UNC13C: variants seen among roughly 807,000 people sequenced by gnomAD.
The protein encoded by UNC13C is unc-13 homolog C, also known as protein unc-13 homolog C.
Under a neutral mutation model 245.4 loss-of-function variants are expected in UNC13C, and 174 were observed. That is an observed-to-expected ratio of 0.71 (90% CI 0.63 to 0.80). The LOEUF (loss-of-function observed/expected upper bound fraction) is 0.80. Ranked by LOEUF, UNC13C falls within the 30% of genes least tolerant of loss-of-function variation. The pLI is 0.00. For missense variants in UNC13C, 2,829 were observed against 2,602.9 expected, an observed-to-expected ratio of 1.09 and a Z score of -1.89; for synonymous variants, 992 against 895.1, an observed-to-expected ratio of 1.11 and a Z score of -1.93.
At chr15:54,456,067 T>A (rs946673139) in intron 19 of UNC13C, among the ~76,000 whole-genome samples, 1 of 152,176 alleles carries the variant, frequency 6.6e-6, no homozygotes, top group African/African-American at 2.4e-5. Context: ...GAAGATCCAG[T>A]TTTATTCTTC....
the UNC13C span, among the ~76,000 whole-genome samples, chr15:53,910,476 C>A: frequency 6.8e-6 from 1 of 146,822 alleles, no homozygotes; most frequent in Admixed American, 7.0e-5. Context: ...CCTGTTGACA[C>A]TGTGCACAAG....
chr15:53,958,140 A>G, the UNC13C span, among the ~76,000 whole-genome samples: 50 of 152,294 alleles, frequency 3.3e-4, no homozygotes, highest in Admixed American at 9.8e-4. Context: ...GCTGCAGATA[A>G]TTTTAGACGA....
intron 19 of UNC13C, among the ~76,000 whole-genome samples, chr15:54,434,535 A>G (rs1053692028): frequency 6.6e-6 from 1 of 152,164 alleles, no homozygotes; most frequent in Admixed American, 6.6e-5. Flanking sequence ...AGCCATATGC[A>G]GAAAACAGAA....
intron 19 of UNC13C, among the ~76,000 whole-genome samples, chr15:54,472,980 C>A (rs1016682795): frequency 1.1e-4 from 17 of 151,592 alleles, no homozygotes; most frequent in Admixed American, 1.3e-4. Flanking sequence ...GAGCATGGTA[C>A]CCAATAGTTA....
At chr15:54,495,450 G>A (rs953893749) in intron 20 of UNC13C, among the ~76,000 whole-genome samples, 2 of 152,010 alleles carry the variant, frequency 1.3e-5, no homozygotes, top group Non-Finnish European at 2.9e-5. Context: ...ACAGAAGAGA[G>A]AAATTACCTC....
At chr15:54,471,898 A>T (rs150276755) in intron 19 of UNC13C, among the ~76,000 whole-genome samples, 36 of 151,810 alleles carry the variant, frequency 2.4e-4, no homozygotes, top group African/African-American at 8.0e-4. Context: ...GTCTTTTAAA[A>T]AATTAATCTA....
At chr15:54,423,926 G>T (rs867205167) in intron 19 of UNC13C, among the ~76,000 whole-genome samples, 1 of 151,750 alleles carries the variant, frequency 6.6e-6, no homozygotes, top group South Asian at 2.1e-4. Flanking sequence ...GTGGTTTTTA[G>T]AATTTTTTTA....
At chr15:53,936,689 G>A in the UNC13C span, among the ~76,000 whole-genome samples, 139,872 of 152,160 alleles carry the variant, frequency 0.92, 64,899 homozygotes, top group Middle Eastern at 0.98. Flanking sequence ...CACCTTTGCT[G>A]TTTCACAGTC....
chr15:54,575,217 G>A (rs1897908461), intron 30 of UNC13C, among the ~76,000 whole-genome samples: 1 of 152,102 alleles, frequency 6.6e-6, no homozygotes, highest in South Asian at 2.1e-4. Context: ...TGTAATTTTA[G>A]TAGAGACGGT....
chr15:53,930,135 T>G, the UNC13C span, among the ~76,000 whole-genome samples: 1 of 152,302 alleles, frequency 6.6e-6, no homozygotes, highest in South Asian at 2.1e-4. Context: ...TGAAGCTGAC[T>G]GTCAGCTAAG....
intron 1 of UNC13C, among the ~76,000 whole-genome samples, chr15:53,987,979 A>T (rs561993978): frequency 6.6e-6 from 1 of 152,028 alleles, no homozygotes; most frequent in African/African-American, 2.4e-5. Context: ...TTCAGACGAG[A>T]TGGGTTTGTG....
At chr15:54,601,971 A>T (rs559796197) in intron 30 of UNC13C, among the ~76,000 whole-genome samples, 4 of 151,850 alleles carry the variant, frequency 2.6e-5, no homozygotes, top group Non-Finnish European at 4.4e-5. Context: ...ATTGACTTGC[A>T]CTCCCCTCTT....
chr15:54,029,744 C>G (rs1008074784), intron 2 of UNC13C, among the ~76,000 whole-genome samples: 1 of 152,206 alleles, frequency 6.6e-6, no homozygotes, highest in Admixed American at 6.5e-5. Context: ...AGCCTTCACA[C>G]AGCTTCAGAA....
At chr15:53,941,806 A>G in the UNC13C span, among the ~76,000 whole-genome samples, 1 of 152,218 alleles carries the variant, frequency 6.6e-6, no homozygotes, top group East Asian at 1.9e-4. Context: ...TATGAAAAAA[A>G]GCTCAACATC....
intron 2 of UNC13C, among the ~76,000 whole-genome samples, chr15:54,047,907 C>CA (rs1897109304): frequency 6.6e-6 from 1 of 152,022 alleles, no homozygotes; most frequent in Middle Eastern, 3.4e-3. Context: ...AAATAATGGG[C>CA]AAAAAACTGA....
Position 54,186,836 on chromosome 15 carries a change from A to AATATATATATATATATATATATATAT in UNC13C, c.3071+43160_3071+43161insATATATATATATATATATATATATAT, listed in dbSNP as rs372623344. Among the ~76,000 whole-genome samples the AATATATATATATATATATATATATAT allele has an allele frequency of 6.4e-3, 799 of 125,582 alleles. 32 individuals are homozygous for AATATATATATATATATATATATATAT. Among genetic ancestry groups the AATATATATATATATATATATATATAT allele is most frequent in the Admixed American group, 0.014 (183 of 12,988 alleles). The allele number at this position is 125,582 out of a possible 152,430, so 82.4% of individuals were successfully genotyped here. Reference sequence around the variant, plus strand: ...GTCCACTGACACATACAAAGAACATAATATATATGTATATATATATTTTGT... The same window carrying AATATATATATATATATATATATATAT: ...GTCCACTGACACATACAAAGAACATAATATATATATATATATATATATATATATATATATGTATATATATATTTTGT... On this transcript the variant is annotated intron_variant, in intron 4 of 32. Coordinates refer to ENST00000260323, the MANE Select transcript of UNC13C (RefSeq NM_001080534.3).
intron 8 of UNC13C, among the ~76,000 whole-genome samples, chr15:54,258,843 A>G (rs2036348619): frequency 6.6e-6 from 1 of 152,234 alleles, no homozygotes; most frequent in Non-Finnish European, 1.5e-5. Flanking sequence ...TAAAGTTGAG[A>G]GAGATAAACT....
chr15:53,877,569 CAG>C, the UNC13C span, among the ~76,000 whole-genome samples: 201 of 147,826 alleles, frequency 1.4e-3, no homozygotes, highest in Middle Eastern at 6.9e-3. Flanking sequence ...TTTGTGGATA[CAG>C]AGAGAGAGAG....
intron 32 of UNC13C, among the ~76,000 whole-genome samples, chr15:54,624,181 A>G (rs1278175954): frequency 6.6e-6 from 1 of 151,754 alleles, no homozygotes; most frequent in Non-Finnish European, 1.5e-5. Context: ...TTTGCAGTGC[A>G]CTCATATAAG....
Sources: gnomAD v4.1 joint callset for allele counts (sites outside exome capture counted in the v4.1 genomes callset) on GRCh38, gnomAD v4.1.1 for gene constraint, MANE v1.5 for transcripts, NCBI Gene and HGNC (gene_info 2026-07-23, HGNC 2026-07-21) for gene names.